FRAS1: variants seen among roughly 807,000 people sequenced by gnomAD.
FRAS1 encodes Fraser extracellular matrix complex subunit 1.
In FRAS1, 290 loss-of-function variants were observed where a neutral mutation model predicts 435.2. The ratio of observed to expected loss-of-function variants is 0.67; its 90% CI spans 0.61 to 0.73. The LOEUF is 0.73. FRAS1 is among the 30% of genes least tolerant of loss of function. The pLI is 0.00. For synonymous variants in FRAS1, 1,800 were observed against 1,851.0 expected, an observed-to-expected ratio of 0.97 and a Z score of 0.71; for missense variants, 4,860 against 5,001.5, an observed-to-expected ratio of 0.97 and a Z score of 0.85.
At chr4:78,118,017 G>A (rs59086902) in intron 2 of FRAS1, among the ~76,000 whole-genome samples, 9,262 of 151,954 alleles carry the variant, frequency 0.061, 631 homozygotes, top group African/African-American at 0.19. Flanking sequence ...TGGTGTGGAT[G>A]TCCTTTCTGT....
rs1729008491 is a variant in FRAS1, at chr4:78,311,279, A to T, written c.1678+3070A>T. 2.0e-5 allele frequency among the ~76,000 whole-genome samples: 3 copies of T among 151,480 alleles called. No individual in the cohort carries two copies. In the South Asian group the frequency reaches 6.2e-4, roughly 31 times the overall value. ...CTTTTTATTTTTATGAGCTTATCTA[A>T]CTGGGTATTTTTATTTTGAGCGCAT... is the stretch of plus-strand genomic sequence containing the variant. On this transcript the variant is annotated intron_variant, in intron 15 of 73. Coordinates refer to ENST00000512123, the MANE Select transcript of FRAS1 (RefSeq NM_025074.7).
intron 67 of FRAS1, among the ~76,000 whole-genome samples, chr4:78,520,019 C>T (rs1169617173): frequency 6.6e-6 from 1 of 152,088 alleles, no homozygotes; most frequent in Non-Finnish European, 1.5e-5. Context: ...TTTAAAATGA[C>T]CTTTCCCTCA....
intron 15 of FRAS1, among the ~76,000 whole-genome samples, chr4:78,315,019 G>A (rs569549201): frequency 9.2e-5 from 14 of 152,140 alleles, no homozygotes; most frequent in Non-Finnish European, 1.3e-4. Context: ...TTCTAACCCC[G>A]GCACAAGACC....
At chr4:78,343,541 G>A (rs1730482625) in intron 20 of FRAS1, among the ~76,000 whole-genome samples, 1 of 151,872 alleles carries the variant, frequency 6.6e-6, no homozygotes, top group Non-Finnish European at 1.5e-5. Flanking sequence ...CTGCTGAAGA[G>A]CATTGCTGTT....
At chr4:78,119,229 A>T (rs1718868984) in intron 2 of FRAS1, among the ~76,000 whole-genome samples, 1 of 152,100 alleles carries the variant, frequency 6.6e-6, no homozygotes. Context: ...TTTGAATTAT[A>T]TATTATTGCT....
chr4:78,478,227 A>G (rs1218022122), intron 55 of FRAS1, among the ~76,000 whole-genome samples, 166 bp downstream of exon 55: 2 of 152,236 alleles, frequency 1.3e-5, no homozygotes, highest in South Asian at 2.1e-4. Context: ...GATTCTATCC[A>G]TAGTGACTAC....
intron 18 of FRAS1, among the ~76,000 whole-genome samples, chr4:78,329,984 C>T (rs919955242): frequency 5.5e-4 from 84 of 152,194 alleles, no homozygotes; most frequent in African/African-American, 2.0e-3. Flanking sequence ...GTCAAAGAAT[C>T]CTGTGTCAAA....
chr4:78,181,428 A>G (rs575931651), intron 2 of FRAS1: 2 of 1,612,000 alleles, frequency 1.2e-6, no homozygotes, highest in East Asian at 4.5e-5. Flanking sequence ...AGGCCACTGT[A>G]ATGTGAAAAA....
intron 2 of FRAS1, among the ~76,000 whole-genome samples, chr4:78,086,769 C>A (rs113444009): frequency 3.3e-5 from 5 of 151,960 alleles, no homozygotes; most frequent in Non-Finnish European, 4.4e-5. Flanking sequence ...TCTGAAATTG[C>A]GGCAATAATT....
rs1372916712 is a variant in FRAS1 at position 78,110,329 on chromosome 4, C to G, written c.108+44313C>G. ...GCCAAAAGAACAAAGCTGGAGGCATCACACTACCTGAGTTCAAACTATAAT... is the reference window on the plus strand; with the variant it reads ...GCCAAAAGAACAAAGCTGGAGGCATGACACTACCTGAGTTCAAACTATAAT... On this transcript the variant is annotated intron_variant, in intron 2 of 73. Transcript: ENST00000512123. 4.7e-5 allele frequency among the ~76,000 whole-genome samples: 6 copies of G among 127,248 alleles called. 2 individuals carry two copies. The highest frequency in any genetic ancestry group is 9.6e-5 in the African/African-American group (3 of 31,116). 83.5% of individuals were successfully genotyped at this position (127,248 alleles called of 152,430 possible).
In FRAS1 at chr4:78,108,938, A is replaced by T. The variant is rs1286290942; in HGVS notation, c.108+42922A>T. 2.8e-5 allele frequency among the ~76,000 whole-genome samples: 3 copies of T among 105,626 alleles called. 1 individual carries two copies. The highest frequency in any genetic ancestry group is 1.2e-4 in the African/African-American group (3 of 24,692). 69.3% of individuals were successfully genotyped at this position (105,626 alleles called of 152,430 possible). A position where few individuals can be genotyped will look rare whatever the true frequency, so the allele number is the denominator to read the frequency against. ...GGATATCACCACCGATCCCACAGAA[A>T]TACAAACTACCATCAGAGAATACTA... On this transcript the variant is annotated intron_variant, in intron 2 of 73. Coordinates refer to ENST00000512123, the MANE Select transcript of FRAS1 (RefSeq NM_025074.7).
At chr4:78,218,090 ACT>A (rs376208393) in intron 2 of FRAS1, among the ~76,000 whole-genome samples, 2 of 14,548 alleles carry the variant, frequency 1.4e-4, no homozygotes, top group African/African-American at 2.0e-4. Flanking sequence ...TCTCTCTCTC[ACT>A]CTCTCTCACA....
In FRAS1 at chr4:78,205,852, G is replaced by A. The variant is rs140552616; in HGVS notation, c.109-31658G>A. On this transcript the variant is annotated intron_variant, in intron 2 of 73. Coordinates refer to ENST00000512123, the MANE Select transcript of FRAS1 (RefSeq NM_025074.7). Reference sequence around the variant, plus strand: ...TGGCCTCTCACTGTAACTGAATGACGCCTGTTTCCCCAGGGCAGTCTCTGC... The same window carrying A: ...TGGCCTCTCACTGTAACTGAATGACACCTGTTTCCCCAGGGCAGTCTCTGC... 8.5e-5 allele frequency among the ~76,000 whole-genome samples: 13 copies of A among 152,166 alleles called. No individual in the cohort carries two copies. The East Asian group carries it at 1.2e-3, about 14-fold the overall frequency.
In FRAS1 at chr4:78,513,258, A is replaced by C; in HGVS notation, c.10014-134A>C. On this transcript the variant is annotated intron_variant, in intron 64 of 73. Transcript: ENST00000512123. Reference sequence around the variant, plus strand: ...TACCCCCTGTTCAGATAGAAATCCTACCTGGAAAGCTTCAGGAAGAAAAAA... The same window carrying C: ...TACCCCCTGTTCAGATAGAAATCCTCCCTGGAAAGCTTCAGGAAGAAAAAA... 1.7e-5 allele frequency: 13 copies of C among 772,298 alleles called. No individual in the cohort carries two copies. The South Asian group carries it at 2.2e-4, about 13-fold the overall frequency. 47.8% of individuals were successfully genotyped at this position (772,298 alleles called of 1,614,324 possible).
chr4:78,108,858 T>G lies in FRAS1; in HGVS notation c.108+42842T>G, dbSNP rs1159511344. On this transcript the variant is annotated intron_variant, in intron 2 of 73. Coordinates refer to ENST00000512123, the MANE Select transcript of FRAS1 (RefSeq NM_025074.7). Reference sequence around the variant, plus strand: ...CAAAATTGATAGACCGCTAGCAAGATGACAAAGAAAAAAAGAGAGAAGAAT... The same window carrying G: ...CAAAATTGATAGACCGCTAGCAAGAGGACAAAGAAAAAAAGAGAGAAGAAT... Among the ~76,000 whole-genome samples, 4 of 129,492 alleles carry G rather than the reference T, an allele frequency of 3.1e-5. No individual in the cohort carries two copies. In the East Asian group the frequency reaches 8.1e-4, roughly 26 times the overall value. The allele number at this position is 129,492 out of a possible 152,430, so 85.0% of individuals were successfully genotyped here. A position where few individuals can be genotyped will look rare whatever the true frequency, so the allele number is the denominator to read the frequency against.
chr4:78,526,900 A>G (rs1341475776), intron 70 of FRAS1, among the ~76,000 whole-genome samples: 1 of 152,140 alleles, frequency 6.6e-6, no homozygotes, highest in African/African-American at 2.4e-5. Flanking sequence ...TCCTATGCAC[A>G]GTCTATTCAG....
chr4:78,191,559 A>G lies in FRAS1; in HGVS notation c.109-45951A>G, dbSNP rs1252573594. Reference sequence around the variant, plus strand: ...CTTTTTTTTTTTTTTTAATTATTATACTTTAAGTTTTAGGGTTCGTGTGCA... The same window carrying G: ...CTTTTTTTTTTTTTTTAATTATTATGCTTTAAGTTTTAGGGTTCGTGTGCA... On this transcript the variant is annotated intron_variant, in intron 2 of 73. Transcript: ENST00000512123. 2.0e-5 allele frequency among the ~76,000 whole-genome samples: 3 copies of G among 146,600 alleles called. No homozygotes were observed. In the East Asian group the frequency reaches 5.9e-4, roughly 29 times the overall value.
At chr4:78,150,247 A>C (rs1213741718) in intron 2 of FRAS1, among the ~76,000 whole-genome samples, 2 of 152,204 alleles carry the variant, frequency 1.3e-5, no homozygotes, top group Admixed American at 6.5e-5. Context: ...TTTAAGCAAG[A>C]GTGCTAAATT....
At chr4:78,309,965 G>A (rs1336564393) in intron 15 of FRAS1, among the ~76,000 whole-genome samples, 1 of 152,204 alleles carries the variant, frequency 6.6e-6, no homozygotes, top group Non-Finnish European at 1.5e-5. Context: ...GCAAAAATGA[G>A]ATGATTTTAG....
Sources: gnomAD v4.1 joint callset for allele counts (sites outside exome capture counted in the v4.1 genomes callset) on GRCh38, gnomAD v4.1.1 for gene constraint, MANE v1.5 for transcripts, NCBI Gene and HGNC (gene_info 2026-07-23, HGNC 2026-07-21) for gene names.